Variants in ZNF559 observed in about 807,000 individuals in gnomAD.
ZNF559 encodes zinc finger protein 559.
Under a neutral mutation model 14.2 loss-of-function variants are expected in ZNF559, and 17 were observed. That is an observed-to-expected ratio of 1.20 (90% confidence interval 0.82 to 1.80). The LOEUF is 1.80. Among genes scored for constraint, ZNF559 ranks in the 40% most tolerant of loss-of-function variants. The pLI is 0.00. For missense variants in ZNF559, 740 were observed against 629.7 expected, an observed-to-expected ratio of 1.18 and a Z score of -1.88; for synonymous variants, 244 against 212.4, an observed-to-expected ratio of 1.15 and a Z score of -1.29.
chr19:9,324,100 T>C, upstream of ZNF559: 1 of 1,496,092 alleles, frequency 6.7e-7, no homozygotes, highest in Non-Finnish European at 9.0e-7. Flanking sequence ...CCGCAGCAGC[T>C]GATGGGCCCG....
rs746564843 is a variant in ZNF559, at chr19:9,342,309, A to AT, written c.858_859insT (p.His287SerfsTer5). The AT allele has an allele frequency of 1.3e-6, 2 of 1,593,576 alleles. No individual in the cohort carries two copies. The highest frequency in any genetic ancestry group is 2.3e-5 in the South Asian group (2 of 87,242). ...TTGCTTTTTCCCCAGATCTTGCTAAACATATAAGACTTAGAACTAGAGGAA... is the reference window on the plus strand; with the variant it reads ...TTGCTTTTTCCCCAGATCTTGCTAAATCATATAAGACTTAGAACTAGAGGAA... On this transcript the variant is annotated frameshift_variant, in exon 7 of 7. Transcript: ENST00000603380. LOFTEE classifies it low-confidence loss of function (END_TRUNC).
At chr19:9,339,767 C>CTTT (rs200842205) in intron 5 of ZNF559, among the ~76,000 whole-genome samples, 4 of 134,566 alleles carry the variant, frequency 3.0e-5, no homozygotes, top group African/African-American at 1.1e-4. Flanking sequence ...ACATTCTTTA[C>CTTT]TTTTTTTTTT....
Position 9,343,645 on chromosome 19 carries a change from G to A in ZNF559, c.*577G>A. On this transcript the variant is annotated 3_prime_UTR_variant, in exon 7 of 7. Coordinates refer to ENST00000603380, the MANE Select transcript of ZNF559 (RefSeq NM_032497.3). ...ATTGAGAAGTCCCATGAGTGAAAGA[G>A]ATGTTGGAAAGCCCTTGAACTTGGT... 1.0e-6 allele frequency: 1 copy of A among 988,180 alleles called. No individual in the cohort carries two copies. Among genetic ancestry groups the A allele is most frequent in the South Asian group, 4.6e-5 (1 of 21,512 alleles). 61.2% of individuals were successfully genotyped at this position (988,180 alleles called of 1,614,324 possible). A position where few individuals can be genotyped will look rare whatever the true frequency, so the allele number is the denominator to read the frequency against.
In ZNF559 at chr19:9,342,000, A is replaced by G. The variant is rs780907464; in HGVS notation, c.549A>G (p.Lys183=). The change falls in exon 7 of 7, where the codon AAA becomes AAG. Residue 183 remains lysine, a synonymous_variant. Coordinates refer to ENST00000603380, the MANE Select transcript of ZNF559 (RefSeq NM_032497.3). ...GCAAGAAAACTCACACTCAAGAGAA[A>G]CCATATAAATGCAGTGACTGTGAAA... ...LVCKKTHTQE[K]PYKCSDCEKG... The G allele has an allele frequency of 6.2e-7, 1 of 1,612,136 alleles. No homozygotes were observed. The highest frequency in any genetic ancestry group is 8.5e-7 in the Non-Finnish European group (1 of 1,179,478).
chr19:9,324,706 C>A lies in ZNF559; in HGVS notation c.-194C>A. ...CTTTTCTCTATAAGGAACAGCATCT[C>A]TGCCTTCCTGTTCACGGTGACCTTC... On this transcript the variant is annotated 5_prime_UTR_variant, in exon 2 of 7. The change creates a new upstream start codon in the 5' untranslated region. Transcript: ENST00000603380. 1 of 1,532,656 alleles carries A rather than the reference C, an allele frequency of 6.5e-7. No individual in the cohort carries two copies. Among genetic ancestry groups the A allele is most frequent in the Non-Finnish European group, 8.7e-7 (1 of 1,145,554 alleles). The allele number at this position is 1,532,656 out of a possible 1,614,324, so 94.9% of individuals were successfully genotyped here.
At chr19:9,324,082 G>C, upstream of ZNF559, 1 of 1,418,038 alleles carries the variant, frequency 7.1e-7, no homozygotes, top group Non-Finnish European at 9.6e-7. Flanking sequence ...GCTCTGGGTT[G>C]GAAAAAGCCG....
chr19:9,336,757 T>G (rs1351286872), intron 2 of ZNF559, among the ~76,000 whole-genome samples: 1 of 152,016 alleles, frequency 6.6e-6, no homozygotes, highest in Non-Finnish European at 1.5e-5. Context: ...GTTTGCAGAG[T>G]GAATGAAAGC....
rs773873574 is a variant in ZNF559 at position 9,342,429 on chromosome 19, G to A, written c.978G>A (p.Glu326=). 2.5e-6 allele frequency: 4 copies of A among 1,614,156 alleles called. No individual in the cohort carries two copies. Among genetic ancestry groups the A allele is most frequent in the East Asian group, 4.5e-5 (2 of 44,878 alleles). The change falls in exon 7 of 7, where the codon GAG becomes GAA. Residue 326 remains glutamate (E), a synonymous_variant. Transcript: ENST00000603380. ...IRVHTGEKPY[E]CNKCGKAFTD... is the part of the protein sequence containing the mutation. ...TTCACACTGGAGAAAAACCGTATGA[G>A]TGCAACAAATGTGGGAAAGCCTTCA... is the stretch of plus-strand genomic sequence containing the variant.
intron 2 of ZNF559, among the ~76,000 whole-genome samples, chr19:9,335,135 C>CAAAAAAAAA (rs59300029): frequency 8.0e-6 from 1 of 124,598 alleles, no homozygotes; most frequent in African/African-American, 3.1e-5. Context: ...GACTCTGTCT[C>CAAAAAAAAA]AAAAAAAAAA....
intron 2 of ZNF559, among the ~76,000 whole-genome samples, chr19:9,334,944 C>T (rs1473001420): frequency 6.6e-6 from 1 of 151,928 alleles, no homozygotes; most frequent in African/African-American, 2.4e-5. Flanking sequence ...ACCATCCTGG[C>T]TAGCATGGTG....
chr19:9,328,414 C>T (rs553151247), intron 2 of ZNF559, among the ~76,000 whole-genome samples: 7 of 130,598 alleles, frequency 5.4e-5, no homozygotes, highest in African/African-American at 2.1e-4. Flanking sequence ...AGTGCAGTGG[C>T]GCAATCTCGG....
chr19:9,325,107 G>A (rs1364532268), intron 2 of ZNF559, among the ~76,000 whole-genome samples: 1 of 152,272 alleles, frequency 6.6e-6, no homozygotes, highest in African/African-American at 2.4e-5. Flanking sequence ...TGAATGCGAA[G>A]ATAACTTTTG....
chr19:9,339,193 G>C lies in ZNF559; in HGVS notation c.34G>C (p.Asp12His). ...CGCCAGCATGTGTGTGATGGTTTAG[G>C]ACTCAGTGACCTTTGAGGATGTGGC... is the stretch of plus-strand genomic sequence containing the variant. ...VAGWLTNYSQ[D>H]SVTFEDVAVD... is the part of the protein sequence containing the mutation. The change falls in exon 5 of 7, where the codon GAC becomes CAC. Residue 12 changes from aspartate (D) to histidine (H), a missense_variant and splice_region_variant. Transcript: ENST00000603380. 1.2e-6 allele frequency: 2 copies of C among 1,613,794 alleles called. No individual in the cohort carries two copies. Among genetic ancestry groups the C allele is most frequent in the East Asian group, 4.5e-5 (2 of 44,850 alleles).
In ZNF559 at chr19:9,341,877, C is replaced by A; in HGVS notation, c.426C>A (p.Ile142=). The change falls in exon 7 of 7, where the codon ATC becomes ATA. Residue 142 remains isoleucine (I), a synonymous_variant. Coordinates refer to ENST00000603380, the MANE Select transcript of ZNF559 (RefSeq NM_032497.3). ...TTACTTTACACAAGAAAACTGATAT[C>A]GGAGAGGAACTTCCTAACTGTAATC... The part of the protein sequence containing the change: ...SIFTLHKKTD[I]GEELPNCNQC... The A allele has an allele frequency of 6.2e-7, 1 of 1,609,684 alleles. No homozygotes were observed.
At position 9,344,314 on chromosome 19, in the gene ZNF559, A is replaced by G. The variant is rs532077177; in HGVS notation, c.*1246A>G. The G allele has an allele frequency of 3.0e-4, 46 of 152,228 alleles. No individual in the cohort carries two copies. Among genetic ancestry groups the G allele is most frequent in the African/African-American group, 1.1e-3 (45 of 41,542 alleles). 9.4% of individuals were successfully genotyped at this position (152,228 alleles called of 1,614,324 possible). On this transcript the variant is annotated 3_prime_UTR_variant, in exon 7 of 7. Coordinates refer to ENST00000603380, the MANE Select transcript of ZNF559 (RefSeq NM_032497.3). Reference sequence around the variant, plus strand: ...ACTTAGTTATAGGGAATTGAGGAACATTTAGGGGTACAAATTTTCACTTAT... The same window carrying G: ...ACTTAGTTATAGGGAATTGAGGAACGTTTAGGGGTACAAATTTTCACTTAT...
intron 2 of ZNF559, among the ~76,000 whole-genome samples, chr19:9,334,983 CAAATT>C (rs2067148437): frequency 6.6e-6 from 1 of 151,676 alleles, no homozygotes; most frequent in Non-Finnish European, 1.5e-5. Flanking sequence ...AAATACAAAA[CAAATT>C]AGCCAGGCAT....
rs1009303950 is a variant in ZNF559, at chr19:9,339,243, G to T, written c.84G>T (p.Trp28Cys). The T allele has an allele frequency of 3.7e-6, 6 of 1,613,882 alleles. No homozygotes were observed. The African/African-American group carries it at 8.0e-5, about 22-fold the overall frequency. The change falls in exon 5 of 7, where the codon TGG becomes TGT. Residue 28 changes from tryptophan to cysteine, a missense_variant. Trp to Cys is a radical substitution (Grantham distance 215). Transcript: ENST00000603380. ...DVAVDFTQEEWTLLDQTQRNL... is the reference protein window; with the variant it reads ...DVAVDFTQEECTLLDQTQRNL... ...CTGTGGACTTCACCCAGGAGGAGTG[G>T]ACTTTGCTGGATCAAACTCAGAGAA...
rs113078567 is a variant in ZNF559, at chr19:9,342,160, G to A, written c.709G>A (p.Gly237Arg). The change falls in exon 7 of 7, where the codon GGA becomes AGA. Residue 237 changes from glycine (G) to arginine (R), a missense_variant. By Grantham distance (125) the Gly-to-Arg change is moderately radical. Coordinates refer to ENST00000603380, the MANE Select transcript of ZNF559 (RefSeq NM_032497.3). ...ALFVHMQTQD[G>R]EKFYECKACG... The stretch of plus-strand genomic sequence containing the variant: ...TTTTGTACACATGCAAACTCAAGAT[G>A]GAGAAAAATTCTATGAATGTAAAGC... 4 of 1,610,870 alleles carry A rather than the reference G, an allele frequency of 2.5e-6. No homozygotes were observed. In the African/African-American group the frequency reaches 5.3e-5, roughly 22 times the overall value.
chr19:9,342,641 A>C lies in ZNF559; in HGVS notation c.1190A>C (p.Lys397Thr). Residue 397 changes from lysine to threonine, a missense_variant, in exon 7 of 7, where the codon AAA becomes ACA. Physicochemically the swap from Lys to Thr is moderately conservative, Grantham distance 78 (BLOSUM62 -1). Transcript: ENST00000603380. Reference protein sequence around the residue: ...GKAFINSSSFKSHMQTHPGVK... With the variant: ...GKAFINSSSFTSHMQTHPGVK... ...GCCTTTATTAATTCCTCTTCCTTTA[A>C]AAGTCACATGCAGACTCATCCTGGT... 1 of 1,613,896 alleles carries C rather than the reference A, an allele frequency of 6.2e-7. No homozygotes were observed. The highest frequency in any genetic ancestry group is 2.2e-5 in the East Asian group (1 of 44,826).
Sources: allele counts gnomAD v4.1 joint callset (sites outside exome capture counted in the v4.1 genomes callset), GRCh38; gene constraint gnomAD v4.1.1; transcripts MANE v1.5; gene names NCBI Gene and HGNC (gene_info 2026-07-23, HGNC 2026-07-21).